Variants in TXNL4A observed in about 807,000 individuals in gnomAD.
The protein encoded by TXNL4A is thioredoxin-like protein 4A.
Under a neutral mutation model 14.6 loss-of-function variants are expected in TXNL4A, and 17 were observed. That is an observed-to-expected ratio of 1.16 (90% CI 0.80 to 1.74). The LOEUF is 1.74. TXNL4A is among the 40% of genes most tolerant of loss of function. TXNL4A has a pLI of 0.00. For synonymous variants in TXNL4A, 83 were observed against 70.6 expected, an observed-to-expected ratio of 1.18 and a Z score of -0.88; for missense variants, 74 against 195.2, an observed-to-expected ratio of 0.38 and a Z score of 3.70.
At chr18:80,030,482 C>T (rs1318035908) in intron 1 of TXNL4A, 6 of 152,220 alleles carry the variant, frequency 3.9e-5, no homozygotes, top group African/African-American at 1.4e-4. Context: ...ATTATGCAGA[C>T]AAATTACATA....
At chr18:79,980,678 G>A (rs767181754) in intron 1 of TXNL4A, among the ~76,000 whole-genome samples, 6 of 152,298 alleles carry the variant, frequency 3.9e-5, no homozygotes, top group South Asian at 2.1e-4. Flanking sequence ...GAAAAAAACC[G>A]TATCAGAACT....
At chr18:80,019,864 G>T (rs965187562) in intron 1 of TXNL4A, among the ~76,000 whole-genome samples, 3 of 152,042 alleles carry the variant, frequency 2.0e-5, no homozygotes, top group African/African-American at 7.2e-5. Flanking sequence ...TTTGCGTAGC[G>T]TTAAAAATGC....
chr18:80,019,214 T>C (rs2051832629), intron 1 of TXNL4A, among the ~76,000 whole-genome samples: 1 of 152,200 alleles, frequency 6.6e-6, no homozygotes, highest in Non-Finnish European at 1.5e-5. Context: ...GATAAAGACA[T>C]ACCTGAAACT....
chr18:79,990,630 T>G (rs2051620895), upstream of TXNL4A, among the ~76,000 whole-genome samples: 1 of 152,248 alleles, frequency 6.6e-6, no homozygotes, highest in African/African-American at 2.4e-5. Context: ...AGCATTTTAT[T>G]CACAGGAGAG....
At chr18:80,012,597 T>C (rs2051777219) in intron 1 of TXNL4A, among the ~76,000 whole-genome samples, 1 of 152,200 alleles carries the variant, frequency 6.6e-6, no homozygotes, top group African/African-American at 2.4e-5. Flanking sequence ...AAGGTTGCCT[T>C]CCCTATATCT....
upstream of TXNL4A, among the ~76,000 whole-genome samples, chr18:79,990,889 G>C (rs2051622880): frequency 6.6e-6 from 1 of 151,716 alleles, no homozygotes; most frequent in African/African-American, 2.4e-5. Flanking sequence ...CGGATCACGA[G>C]GTCAGGAGAT....
intron 1 of TXNL4A, among the ~76,000 whole-genome samples, chr18:80,022,948 G>A (rs1314076551): frequency 1.3e-5 from 2 of 152,258 alleles, no homozygotes; most frequent in Non-Finnish European, 1.5e-5. Flanking sequence ...CAGCCTAAAG[G>A]CTCCCAAGGT....
chr18:80,012,830 A>T (rs987494138), intron 1 of TXNL4A, among the ~76,000 whole-genome samples: 17 of 143,346 alleles, frequency 1.2e-4, no homozygotes, highest in South Asian at 6.6e-4. Context: ...CTTCCATTAA[A>T]TTTTTTTTTT....
chr18:79,986,108 T>C (rs1248592889), intron 1 of TXNL4A, among the ~76,000 whole-genome samples: 1 of 151,990 alleles, frequency 6.6e-6, no homozygotes, highest in African/African-American at 2.4e-5. Context: ...GGTGTAATCA[T>C]GGCTCACTGC....
At chr18:80,003,408 A>G (rs558621523) in intron 1 of TXNL4A, among the ~76,000 whole-genome samples, 2 of 152,252 alleles carry the variant, frequency 1.3e-5, no homozygotes, top group Non-Finnish European at 2.9e-5. Flanking sequence ...GAACAAAAGG[A>G]GAAGCAGTTT....
intron 1 of TXNL4A, among the ~76,000 whole-genome samples, chr18:79,998,156 TG>T (rs763993507): frequency 2.6e-5 from 4 of 151,998 alleles, no homozygotes; most frequent in Non-Finnish European, 5.9e-5. Context: ...TAGCTGGGCG[TG>T]GTGGCAGCAC....
intron 1 of TXNL4A, among the ~76,000 whole-genome samples, chr18:79,999,434 G>A (rs2051684360): frequency 6.6e-6 from 1 of 150,596 alleles, no homozygotes; most frequent in Non-Finnish European, 1.5e-5. Context: ...TACTTGGGAG[G>A]TTGAAGCAGG....
At chr18:80,010,499 T>C (rs2051762733) in intron 1 of TXNL4A, among the ~76,000 whole-genome samples, 1 of 152,100 alleles carries the variant, frequency 6.6e-6, no homozygotes, top group South Asian at 2.1e-4. Flanking sequence ...GAAGTGATGA[T>C]TCACAGAGGG....
chr18:79,980,937 T>G (rs2051455006), intron 1 of TXNL4A, among the ~76,000 whole-genome samples: 1 of 152,260 alleles, frequency 6.6e-6, no homozygotes, highest in African/African-American at 2.4e-5. Context: ...CGCCCATTTC[T>G]GAAACTCTAG....
chr18:80,002,873 C>A (rs1222147634), intron 1 of TXNL4A, among the ~76,000 whole-genome samples: 1 of 152,240 alleles, frequency 6.6e-6, no homozygotes, highest in Non-Finnish European at 1.5e-5. Flanking sequence ...GTGCCAAAAA[C>A]CTGGACACCA....
At chr18:79,995,700 TA>T (rs1568372861) in intron 1 of TXNL4A, among the ~76,000 whole-genome samples, 1 of 152,178 alleles carries the variant, frequency 6.6e-6, no homozygotes, top group Non-Finnish European at 1.5e-5. Flanking sequence ...TTGCCCAAGT[TA>T]TGCGTTTACA....
chr18:80,003,874 A>C (rs2051712582), intron 1 of TXNL4A, among the ~76,000 whole-genome samples: 1 of 152,188 alleles, frequency 6.6e-6, no homozygotes, highest in South Asian at 2.1e-4. Context: ...CCAGACGCTT[A>C]ACAAAACCAT....
intron 1 of TXNL4A, among the ~76,000 whole-genome samples, chr18:80,022,277 C>T (rs1057389922): frequency 3.7e-4 from 56 of 152,200 alleles, no homozygotes; most frequent in African/African-American, 1.3e-3. Context: ...AGGTAGGACA[C>T]CCGGAAGTTT....
intron 2 of TXNL4A, chr18:79,976,836 T>C (rs1568362214): frequency 2.2e-6 from 1 of 451,298 alleles, no homozygotes; most frequent in East Asian, 7.0e-5. Context: ...CCCCATTAAA[T>C]TTCCATAATG....
Sources: gnomAD v4.1 joint callset for allele counts (sites outside exome capture counted in the v4.1 genomes callset) on GRCh38, gnomAD v4.1.1 for gene constraint, MANE v1.5 for transcripts, NCBI Gene and HGNC (gene_info 2026-07-23, HGNC 2026-07-21) for gene names.